Variants in CDH6 observed in about 807,000 individuals in gnomAD.
CDH6 encodes cadherin-6.
Under a neutral mutation model 78.0 loss-of-function variants are expected in CDH6, and 31 were observed. The observed-to-expected ratio is 0.40, with a 90% CI of 0.30 to 0.54. The LOEUF is 0.54. Ranked by LOEUF, CDH6 falls within the 20% of genes least tolerant of loss-of-function variation. The pLI, the probability that CDH6 is intolerant of heterozygous loss-of-function variation, is 0.56. For missense variants in CDH6, 724 were observed against 975.9 expected (o/e 0.74, Z 3.44); for synonymous variants, 376 against 368.8 (o/e 1.02, Z -0.23).
intron 1 of CDH6, among the ~76,000 whole-genome samples, chr5:31,212,743 A>C (rs558918588): frequency 6.6e-6 from 1 of 151,688 alleles, no homozygotes; most frequent in Non-Finnish European, 1.5e-5. Flanking sequence ...TCAAAAACTC[A>C]TGGTGTTCAC....
chr5:31,232,519 GTT>G (rs1050888928), intron 1 of CDH6, among the ~76,000 whole-genome samples: 21 of 152,254 alleles, frequency 1.4e-4, no homozygotes, highest in African/African-American at 4.8e-4. Flanking sequence ...TCTACAAAAC[GTT>G]TTTGGCTGCA....
chr5:31,280,725 T>C (rs1242536082), intron 2 of CDH6, among the ~76,000 whole-genome samples: 1 of 152,098 alleles, frequency 6.6e-6, no homozygotes, highest in Admixed American at 6.6e-5. Flanking sequence ...TCTTTGCTAA[T>C]GTTTCAGTTG....
At chr5:31,311,725 C>T (rs1262701058) in intron 7 of CDH6, among the ~76,000 whole-genome samples, 4 of 152,204 alleles carry the variant, frequency 2.6e-5, no homozygotes, top group Non-Finnish European at 5.9e-5. Context: ...GGAAGCACTA[C>T]ACTTTTAAAC....
chr5:31,320,850 G>A (rs1203013631), intron 11 of CDH6, among the ~76,000 whole-genome samples: 5 of 151,888 alleles, frequency 3.3e-5, no homozygotes, highest in Non-Finnish European at 7.4e-5. Flanking sequence ...ATGGTGGTGG[G>A]TGCCTGTACT....
rs531546948 is a variant in CDH6 at position 31,288,970 on chromosome 5, G to T, written c.229-4992G>T. Among the ~76,000 whole-genome samples, 45 of 152,206 alleles carry T rather than the reference G, an allele frequency of 3.0e-4. 1 individual carries two copies. In the East Asian group the frequency reaches 8.5e-3, roughly 29 times the overall value. ...ATTGTTTTTGTTGGGGGGAGAGGGG[G>T]TTCTTTTATTTAATTTTTATTTTAG... On this transcript the variant is annotated intron_variant, in intron 2 of 11. Coordinates refer to ENST00000265071, the MANE Select transcript of CDH6 (RefSeq NM_004932.4).
At chr5:31,250,023 T>C (rs1268331956) in intron 1 of CDH6, 1 of 152,242 alleles carries the variant, frequency 6.6e-6, no homozygotes, top group African/African-American at 2.4e-5. Flanking sequence ...AATACAGATG[T>C]GGTTTCGAAA....
intron 1 of CDH6, among the ~76,000 whole-genome samples, chr5:31,197,686 T>C (rs940950678): frequency 6.6e-6 from 1 of 152,106 alleles, no homozygotes; most frequent in East Asian, 1.9e-4. Flanking sequence ...GTTGTGACAA[T>C]GTTCCAAGAA....
intron 6 of CDH6, 167 bp downstream of exon 6, chr5:31,302,465 G>A (rs1346390110): frequency 1.9e-6 from 1 of 529,526 alleles, no homozygotes. Context: ...GCTCCCGCCT[G>A]TAATCCCAGC....
intron 1 of CDH6, among the ~76,000 whole-genome samples, chr5:31,216,553 C>T (rs953807609): frequency 2.6e-5 from 4 of 151,532 alleles, no homozygotes; most frequent in Non-Finnish European, 4.4e-5. Flanking sequence ...CAAATAGTTG[C>T]AACAGAGATG....
At chr5:31,219,284 C>T (rs912360353) in intron 1 of CDH6, among the ~76,000 whole-genome samples, 2 of 152,128 alleles carry the variant, frequency 1.3e-5, no homozygotes, top group African/African-American at 4.8e-5. Flanking sequence ...ATTGTGCAAG[C>T]TAGTTCCTTA....
intron 1 of CDH6, among the ~76,000 whole-genome samples, chr5:31,206,191 A>G (rs902720410): frequency 6.6e-5 from 10 of 152,210 alleles, no homozygotes; most frequent in Non-Finnish European, 1.3e-4. Context: ...AGATAGGTAG[A>G]TAGATGGATA....
intron 2 of CDH6, among the ~76,000 whole-genome samples, chr5:31,269,678 A>C (rs994035613): frequency 6.6e-6 from 1 of 152,260 alleles, no homozygotes; most frequent in Admixed American, 6.5e-5. Flanking sequence ...ATATCACTGC[A>C]GAAGTAAACT....
At chr5:31,300,041 T>C (rs1737719868) in intron 5 of CDH6, among the ~76,000 whole-genome samples, 1 of 152,240 alleles carries the variant, frequency 6.6e-6, no homozygotes, top group African/African-American at 2.4e-5. Context: ...GGGGAGGATT[T>C]ATTATTTTAC....
chr5:31,287,811 T>G (rs779147151), intron 2 of CDH6, among the ~76,000 whole-genome samples: 1 of 152,224 alleles, frequency 6.6e-6, no homozygotes, highest in African/African-American at 2.4e-5. Context: ...TTCTAACTAG[T>G]TCCCAGGTAA....
chr5:31,249,232 A>G (rs554488471), intron 1 of CDH6: 1 of 152,280 alleles, frequency 6.6e-6, no homozygotes, highest in Admixed American at 6.5e-5. Context: ...AGGATGTCCC[A>G]TTTTCTGCCT....
At chr5:31,240,347 T>C (rs1372502224) in intron 1 of CDH6, among the ~76,000 whole-genome samples, 1 of 152,226 alleles carries the variant, frequency 6.6e-6, no homozygotes, top group African/African-American at 2.4e-5. Context: ...TATTTCTTTC[T>C]TCAATTTGCG....
chr5:31,253,632 C>A (rs1741973649), intron 1 of CDH6, among the ~76,000 whole-genome samples: 3 of 152,114 alleles, frequency 2.0e-5, no homozygotes, highest in Admixed American at 2.0e-4. Flanking sequence ...AACTCACCTC[C>A]AAATACCATC....
rs2149964133 is a variant in CDH6 at position 31,327,095 on chromosome 5, T to C, written c.*3787T>C. On this transcript the variant is annotated 3_prime_UTR_variant, in exon 12 of 12. Coordinates refer to ENST00000265071, the MANE Select transcript of CDH6 (RefSeq NM_004932.4). ...CACTTTTACATATATAAATTTTAAGTGTCCTGATTGGCTGAACAATATCTC... is the reference window on the plus strand; with the variant it reads ...CACTTTTACATATATAAATTTTAAGCGTCCTGATTGGCTGAACAATATCTC... 5.5e-6 allele frequency: 1 copy of C among 182,706 alleles called. No individual in the cohort carries two copies. Among genetic ancestry groups the C allele is most frequent in the East Asian group, 8.9e-5 (1 of 11,208 alleles). The allele number at this position is 182,706 out of a possible 1,614,324, so 11.3% of individuals were successfully genotyped here.
rs530309923 is a variant in CDH6 at position 31,222,929 on chromosome 5, C to CT, written c.-129+29049dup. On this transcript the variant is annotated intron_variant, in intron 1 of 11. Coordinates refer to ENST00000265071, the MANE Select transcript of CDH6 (RefSeq NM_004932.4). ...ACTATATTTTCTTGCAAAGTTCTCA[C>CT]TTTTTTGAGACGGTGAACTCATTTG... Among the ~76,000 whole-genome samples, 449 of 152,222 alleles carry CT rather than the reference C, an allele frequency of 2.9e-3. 2 individuals carry two copies. The Middle Eastern group carries it at 0.041, about 14-fold the overall frequency.
Sources: allele counts gnomAD v4.1 joint callset (sites outside exome capture counted in the v4.1 genomes callset), GRCh38; gene constraint gnomAD v4.1.1; transcripts MANE v1.5; gene names NCBI Gene and HGNC (gene_info 2026-07-23, HGNC 2026-07-21).